NFIB: variants seen among roughly 807,000 people sequenced by gnomAD.
NFIB encodes the protein nuclear factor I B, also known as nuclear factor 1 B-type.
Under a neutral mutation model 61.5 loss-of-function variants are expected in NFIB, and 11 were observed. The ratio of observed to expected loss-of-function variants is 0.18; its 90% confidence interval spans 0.11 to 0.30. NFIB has a LOEUF of 0.30. Ranked by LOEUF, NFIB falls within the 10% of genes least tolerant of loss-of-function variation. The pLI, the probability that NFIB is intolerant of heterozygous loss-of-function variation, is 1.00. For synonymous variants in NFIB, 260 were observed against 216.5 expected, an observed-to-expected ratio of 1.20 and a Z score of -1.76; for missense variants, 471 against 608.9, an observed-to-expected ratio of 0.77 and a Z score of 2.38.
chr9:14,215,028 T>C (rs2050703743), intron 2 of NFIB, among the ~76,000 whole-genome samples: 1 of 152,242 alleles, frequency 6.6e-6, no homozygotes, highest in African/African-American at 2.4e-5. Context: ...AGATTTACTT[T>C]TCACTTTTAC....
chr9:14,280,728 G>C (rs948607724), intron 2 of NFIB, among the ~76,000 whole-genome samples: 11 of 152,036 alleles, frequency 7.2e-5, no homozygotes, highest in Admixed American at 7.2e-4. Context: ...GTGGTTCCTT[G>C]GAGGATGCAC....
Position 14,116,288 on chromosome 9 carries a change from G to A in NFIB, c.1304C>T (p.Ala435Val). Reference protein sequence around the residue: ...KVPGHFTPVLAPSPHPSAVRP... With the variant: ...KVPGHFTPVLVPSPHPSAVRP... ...CACTGCACTGGGATGGGGAGAGGGT[G>A]CCAAGACAGGAGTGAAATGGCCAGG... Residue 435 changes from alanine to valine, a missense_variant, in exon 9 of 11, where the codon GCA (alanine) becomes GTA (valine). By Grantham distance (64) the Ala-to-Val change is moderately conservative. This residue lies in a region of NFIB where 372 missense variants were observed against 395.6 expected (regional missense o/e 0.94). Coordinates refer to ENST00000380953, the MANE Select transcript of NFIB (RefSeq NM_001190737.2). 1 of 1,538,182 alleles carries A rather than the reference G, an allele frequency of 6.5e-7. No individual in the cohort carries two copies. Among genetic ancestry groups the A allele is most frequent in the South Asian group, 1.2e-5 (1 of 81,682 alleles).
At chr9:14,206,183 T>C (rs1587602825) in intron 2 of NFIB, among the ~76,000 whole-genome samples, 1 of 151,982 alleles carries the variant, frequency 6.6e-6, no homozygotes, top group African/African-American at 2.4e-5. Context: ...CTCTCTTTTT[T>C]TTTTTTTTCT....
intron 1 of NFIB, among the ~76,000 whole-genome samples, chr9:14,326,253 A>G (rs959705804): frequency 2.0e-5 from 3 of 152,200 alleles, no homozygotes; most frequent in African/African-American, 4.8e-5. Flanking sequence ...TTCTTTAGAT[A>G]TTGATGGTAA....
the NFIB span, among the ~76,000 whole-genome samples, chr9:14,407,700 T>G: frequency 5.3e-5 from 8 of 152,296 alleles, no homozygotes; most frequent in African/African-American, 1.9e-4. Context: ...TTATTTTTAT[T>G]TTTAGAGACA....
chr9:14,498,338 C>A, the NFIB span, among the ~76,000 whole-genome samples: 8 of 152,074 alleles, frequency 5.3e-5, no homozygotes, highest in Non-Finnish European at 1.0e-4. Flanking sequence ...CACATTTGGT[C>A]TGAGCCAATA....
intron 2 of NFIB, among the ~76,000 whole-genome samples, chr9:14,264,907 C>T (rs972842862): frequency 6.6e-6 from 1 of 151,720 alleles, no homozygotes; most frequent in African/African-American, 2.4e-5. Context: ...TGACTTCCCT[C>T]TTAACATGTT....
chr9:14,439,777 G>T, the NFIB span, among the ~76,000 whole-genome samples: 1 of 152,306 alleles, frequency 6.6e-6, no homozygotes, highest in African/African-American at 2.4e-5. Flanking sequence ...ATAGGGACAT[G>T]ATAGGGGCAT....
At chr9:14,305,891 T>G (rs982096918) in intron 2 of NFIB, 11 of 897,538 alleles carry the variant, frequency 1.2e-5, no homozygotes, top group African/African-American at 5.2e-5. Context: ...ACCTACCATC[T>G]GTGACAGCTC....
At chr9:14,133,588 A>G (rs1390387163) in intron 6 of NFIB, among the ~76,000 whole-genome samples, 1 of 152,200 alleles carries the variant, frequency 6.6e-6, no homozygotes, top group Non-Finnish European at 1.5e-5. Context: ...CTGTTCCCAG[A>G]GGACAAGGAG....
chr9:14,319,970 C>G (rs1419181928), intron 1 of NFIB, among the ~76,000 whole-genome samples: 1 of 152,118 alleles, frequency 6.6e-6, no homozygotes, highest in African/African-American at 2.4e-5. Flanking sequence ...CTGAGTGTAT[C>G]TGAAATTTTA....
At chr9:14,358,563 CA>C (rs2061203425) in intron 1 of NFIB, among the ~76,000 whole-genome samples, 2 of 152,136 alleles carry the variant, frequency 1.3e-5, no homozygotes, top group Non-Finnish European at 2.9e-5. Context: ...GAAACAATGA[CA>C]CTGAGGACTG....
intron 2 of NFIB, among the ~76,000 whole-genome samples, chr9:14,263,453 T>A (rs925499723): frequency 6.6e-6 from 1 of 152,192 alleles, no homozygotes; most frequent in East Asian, 1.9e-4. Context: ...CATACCCGTA[T>A]TTACCTGTGG....
upstream of NFIB, among the ~76,000 whole-genome samples, chr9:14,315,546 C>T (rs1231544101): frequency 7.0e-6 from 1 of 142,808 alleles, no homozygotes; most frequent in Non-Finnish European, 1.6e-5. Context: ...GGCTGCGGGG[C>T]GGGCCGGCGG....
chr9:14,272,426 A>T (rs2057694695), intron 2 of NFIB, among the ~76,000 whole-genome samples: 1 of 152,182 alleles, frequency 6.6e-6, no homozygotes, highest in Admixed American at 6.5e-5. Flanking sequence ...TGATATTTGC[A>T]TGAATCATAA....
the NFIB span, among the ~76,000 whole-genome samples, chr9:14,522,532 G>A: frequency 1.3e-5 from 2 of 152,038 alleles, no homozygotes; most frequent in African/African-American, 4.8e-5. Flanking sequence ...AGGATTCCAC[G>A]ATTCCACCTA....
At position 14,297,624 on chromosome 9, in the gene NFIB, G is replaced by A. The variant is rs901239715; in HGVS notation, c.562+9365C>T. 2.4e-4 allele frequency among the ~76,000 whole-genome samples: 37 copies of A among 152,228 alleles called. 1 individual carries two copies. Among genetic ancestry groups the A allele is most frequent in the South Asian group, 1.5e-3 (7 of 4,826 alleles). ...TACTGCTTTTTTCCCAGGTTCTAGCGCCTGTAGCACATTGTCTCTCATCTG... is the reference window on the plus strand; with the variant it reads ...TACTGCTTTTTTCCCAGGTTCTAGCACCTGTAGCACATTGTCTCTCATCTG... On this transcript the variant is annotated intron_variant, in intron 2 of 10. Transcript: ENST00000380953.
At chr9:14,518,069 A>T in the NFIB span, among the ~76,000 whole-genome samples, 14 of 152,228 alleles carry the variant, frequency 9.2e-5, no homozygotes, top group Non-Finnish European at 1.6e-4. Context: ...AATACACTAT[A>T]AAAAATTTTG....
At chr9:14,206,520 A>G (rs1447904346) in intron 2 of NFIB, among the ~76,000 whole-genome samples, 1 of 151,840 alleles carries the variant, frequency 6.6e-6, no homozygotes, top group African/African-American at 2.4e-5. Context: ...ATGAGATTTT[A>G]TGGTCTGACA....
Sources: gnomAD v4.1 joint callset for allele counts (sites outside exome capture counted in the v4.1 genomes callset) on GRCh38, gnomAD v4.1.1 for gene constraint, gnomAD v4.1.1 regional missense constraint, MANE v1.5 for transcripts, NCBI Gene and HGNC (gene_info 2026-07-23, HGNC 2026-07-21) for gene names.